Variants in MROH2A observed in about 807,000 individuals in gnomAD.
The protein encoded by MROH2A is maestro heat like repeat family member 2A.
Under a neutral mutation model 200.4 loss-of-function variants are expected in MROH2A, and 174 were observed. The ratio of observed to expected loss-of-function variants is 0.87; its 90% CI spans 0.77 to 0.98. The LOEUF (loss-of-function observed/expected upper bound fraction) is 0.98. Ranked by LOEUF, MROH2A falls within the 50% of genes least tolerant of loss-of-function variation. The pLI is 0.00. For synonymous variants in MROH2A, 829 were observed against 840.4 expected (o/e 0.99, Z 0.23); for missense variants, 2,045 against 2,139.6 (o/e 0.96, Z 0.87).
intron 16 of MROH2A, 138 bp downstream of exon 16, chr2:233,803,626 A>T: frequency 2.3e-6 from 2 of 884,516 alleles, no homozygotes; most frequent in Admixed American, 2.5e-5. Context: ...GCTTGGCAGG[A>T]CAGATCATTC....
chr2:233,778,078 C>A (rs149691643), upstream of MROH2A, among the ~76,000 whole-genome samples: 47 of 152,328 alleles, frequency 3.1e-4, no homozygotes, highest in African/African-American at 1.1e-3. Context: ...TCCCCTGGGA[C>A]TTGGTTGTAA....
rs1702338837 is a variant in MROH2A at position 233,799,774 on chromosome 2, C to T, written c.1330-6C>T. On this transcript the variant is annotated splice_region_variant and splice_polypyrimidine_tract_variant and intron_variant, in intron 12 of 41. Transcript: ENST00000389758. ...CCCCAGCATGTCCACGGTCCTGTCC[C>T]CTCAGGTGAGGATGGCTATTCTCCA... is the stretch of plus-strand genomic sequence containing the variant. The T allele has an allele frequency of 6.4e-7, 1 of 1,550,422 alleles. No individual in the cohort carries two copies. Among genetic ancestry groups the T allele is most frequent in the African/African-American group, 1.4e-5 (1 of 73,130 alleles).
chr2:233,780,834 C>A (rs1650471851), intron 3 of MROH2A, among the ~76,000 whole-genome samples: 1 of 150,382 alleles, frequency 6.6e-6, no homozygotes, highest in Admixed American at 6.6e-5. Flanking sequence ...AGAGCTTATT[C>A]CTTCTCTCCA....
At position 233,828,823 on chromosome 2, in the gene MROH2A, G is replaced by A; in HGVS notation, c.4263+44G>A. The A allele has an allele frequency of 1.9e-6, 3 of 1,549,212 alleles. No individual in the cohort carries two copies. Among genetic ancestry groups the A allele is most frequent in the Non-Finnish European group, 1.7e-6 (2 of 1,146,124 alleles). On this transcript the variant is annotated intron_variant, in intron 36 of 41. Transcript: ENST00000389758. This position sits in a 1 kb window ranked among gnomAD's most constrained non-coding sequence, Gnocchi z 4.6. ...GGCCCAGGTCCCGGGAGCTGAGGGT[G>A]CAGGCCGGGTGCCCTGGTCAGCCTG...
intron 11 of MROH2A, among the ~76,000 whole-genome samples, 152 bp downstream of exon 11, chr2:233,796,465 T>C (rs181558119): frequency 1.1e-3 from 165 of 152,164 alleles, no homozygotes; most frequent in African/African-American, 3.8e-3. Context: ...CTGCTTTGCA[T>C]TTTCTAAGCT....
intron 39 of MROH2A, among the ~76,000 whole-genome samples, 170 bp downstream of exon 39, chr2:233,831,710 A>G (rs1054860019): frequency 3.9e-5 from 6 of 152,236 alleles, no homozygotes; most frequent in African/African-American, 1.4e-4. Flanking sequence ...TCATGTGCCT[A>G]TTTCAGCTGT....
chr2:233,806,368 A>G (rs1014544445), intron 19 of MROH2A, among the ~76,000 whole-genome samples: 2 of 152,188 alleles, frequency 1.3e-5, no homozygotes, highest in African/African-American at 2.4e-5. Context: ...CAAAAACAAT[A>G]ATATTTACCT....
At chr2:233,801,684 C>T (rs1702481541) in intron 14 of MROH2A, among the ~76,000 whole-genome samples, 1 of 152,140 alleles carries the variant, frequency 6.6e-6, no homozygotes, top group Admixed American at 6.5e-5. Flanking sequence ...ATGGATTATG[C>T]ACTTTCGTCA....
chr2:233,802,737 A>G (rs937654584), intron 15 of MROH2A, among the ~76,000 whole-genome samples: 33 of 152,284 alleles, frequency 2.2e-4, no homozygotes, highest in Middle Eastern at 3.4e-3. Flanking sequence ...TGTTAACACC[A>G]GGCTCTCAAA....
At position 233,807,596 on chromosome 2, in the gene MROH2A, G is replaced by A; in HGVS notation, c.2172+54G>A. ...CACCAGATGCCTCTGGACCCTCGGG[G>A]ACATGTGTGTTCATGTGGCTGCATG... On this transcript the variant is annotated intron_variant, in intron 20 of 41. Coordinates refer to ENST00000389758, the MANE Select transcript of MROH2A (RefSeq NM_001394639.1). The surrounding 1 kb of genome is among the most constrained non-coding windows in gnomAD (Gnocchi z 4.3). 1 of 1,546,908 alleles carries A rather than the reference G, an allele frequency of 6.5e-7. No homozygotes were observed. Among genetic ancestry groups the A allele is most frequent in the Non-Finnish European group, 8.7e-7 (1 of 1,144,908 alleles).
At chr2:233,787,525 TTAC>T (rs1295344177) in intron 3 of MROH2A, among the ~76,000 whole-genome samples, 1 of 121,334 alleles carries the variant, frequency 8.2e-6, no homozygotes, top group African/African-American at 3.3e-5. Context: ...TACATATATA[TTAC>T]ATATATCATA....
intron 28 of MROH2A, 44 bp from the exon 29 acceptor site, chr2:233,818,608 C>G (rs1270278459): frequency 4.7e-6 from 6 of 1,276,778 alleles, no homozygotes; most frequent in South Asian, 1.3e-5. Flanking sequence ...GGTGGCTGGG[C>G]CTTTTGTCCC....
chr2:233,789,970 A>T lies in MROH2A; in HGVS notation c.527A>T (p.Asp176Val), dbSNP rs1436016609. The T allele has an allele frequency of 8.4e-6, 13 of 1,550,300 alleles. No individual in the cohort carries two copies. The East Asian group carries it at 2.7e-4, about 32-fold the overall frequency. ...QHHLKPLNLT[D>V]EFVIITLAKL... is the part of the protein sequence containing the mutation. ...CACCTCAAGCCCCTCAACCTCACTGATGAATTTGTCATCATCACACTGGCC... is the reference window on the plus strand; with the variant it reads ...CACCTCAAGCCCCTCAACCTCACTGTTGAATTTGTCATCATCACACTGGCC... The change falls in exon 5 of 42, where the codon GAT becomes GTT. Residue 176 changes from aspartate (D) to valine (V), a missense_variant. Physicochemically the swap from Asp to Val is radical, Grantham distance 152. This residue lies in a region of MROH2A where 831 missense variants were observed against 800.0 expected (regional missense o/e 1.04). Transcript: ENST00000389758.
chr2:233,799,747 AC>A, intron 12 of MROH2A, 32 bp from the exon 13 acceptor site: 1 of 1,549,102 alleles, frequency 6.5e-7, no homozygotes, highest in Non-Finnish European at 8.7e-7. Context: ...GCCCACCCCA[AC>A]CCCCAGCATG....
rs1224585932 is a variant in MROH2A at position 233,807,880 on chromosome 2, G to A, written c.2295+25G>A. The A allele has an allele frequency of 1.3e-6, 2 of 1,550,778 alleles. No homozygotes were observed. The highest frequency in any genetic ancestry group is 8.7e-7 in the Non-Finnish European group (1 of 1,147,050). On this transcript the variant is annotated intron_variant, in intron 21 of 41. Coordinates refer to ENST00000389758, the MANE Select transcript of MROH2A (RefSeq NM_001394639.1). The surrounding 1 kb of genome is among the most constrained non-coding windows in gnomAD (Gnocchi z 4.3). Reference sequence around the variant, plus strand: ...GGTAAGCCACCTTCCCTCCACAACTGGGTCTTGGGATCTCTTAGCACAGTG... The same window carrying A: ...GGTAAGCCACCTTCCCTCCACAACTAGGTCTTGGGATCTCTTAGCACAGTG...
At position 233,790,013 on chromosome 2, in the gene MROH2A, T is replaced by A; in HGVS notation, c.570T>A (p.Asn190Lys). The A allele has an allele frequency of 6.5e-7, 1 of 1,546,040 alleles. No homozygotes were observed. Among genetic ancestry groups the A allele is most frequent in the Non-Finnish European group, 8.7e-7 (1 of 1,144,378 alleles). Residue 190 changes from asparagine to lysine, a missense_variant and splice_region_variant, in exon 5 of 42, where the codon AAT becomes AAA. Physicochemically the swap from Asn to Lys is moderately conservative, Grantham distance 94. Transcript: ENST00000389758. ...IITLAKLANG[N>K]VFEFMPYMGI... ...CACTGGCCAAGCTGGCCAACGGCAATGGTAGGGGCTTGAGGGCCCTCAGCC... is the reference window on the plus strand; with the variant it reads ...CACTGGCCAAGCTGGCCAACGGCAAAGGTAGGGGCTTGAGGGCCCTCAGCC...
chr2:233,776,880 C>T (rs1700723105), upstream of MROH2A, among the ~76,000 whole-genome samples: 1 of 152,162 alleles, frequency 6.6e-6, no homozygotes, highest in Non-Finnish European at 1.5e-5. Context: ...GGTTTCAAGT[C>T]TAGGCCTCAA....
Position 233,832,603 on chromosome 2 carries a change from C to T in MROH2A, c.4862C>T (p.Thr1621Ile). The T allele has an allele frequency of 6.5e-7, 1 of 1,549,786 alleles. No individual in the cohort carries two copies. The highest frequency in any genetic ancestry group is 8.7e-7 in the Non-Finnish European group (1 of 1,146,222). The change falls in exon 41 of 42, where the codon ACA (threonine) becomes ATA (isoleucine). Residue 1621 changes from threonine (T) to isoleucine (I), a missense_variant. Thr to Ile is a moderately conservative substitution (Grantham distance 89). Around this residue, in one of 3 missense-constraint regions of MROH2A, gnomAD observed 1,201 missense variants for 1,311.3 expected, o/e 0.92. Coordinates refer to ENST00000389758, the MANE Select transcript of MROH2A (RefSeq NM_001394639.1). Reference protein sequence around the residue: ...LAGIIMKQMSTHYLKKLDFPA... With the variant: ...LAGIIMKQMSIHYLKKLDFPA... ...GGAATTATTATGAAGCAGATGTCTA[C>T]ACATTATCTGAAAAAGCTGGACTTC...
upstream of MROH2A, among the ~76,000 whole-genome samples, chr2:233,777,111 A>G (rs1700732346): frequency 6.6e-6 from 1 of 152,178 alleles, no homozygotes; most frequent in Non-Finnish European, 1.5e-5. Flanking sequence ...TGACTCATAC[A>G]CTTGTGAACT....
Sources: gnomAD v4.1 joint callset for allele counts (sites outside exome capture counted in the v4.1 genomes callset) on GRCh38, gnomAD v4.1.1 for gene constraint, gnomAD v4.1.1 regional missense constraint, Gnocchi (gnomAD v3.1) non-coding constraint, MANE v1.5 for transcripts, NCBI Gene and HGNC (gene_info 2026-07-23, HGNC 2026-07-21) for gene names.